Variants in TNFSF4 observed in about 807,000 individuals in gnomAD.
The protein encoded by TNFSF4 is tumor necrosis factor ligand superfamily member 4.
Under a neutral mutation model 7.3 loss-of-function variants are expected in TNFSF4, and 4 were observed. The observed-to-expected ratio is 0.55, with a 90% CI of 0.27 to 1.25. The LOEUF (loss-of-function observed/expected upper bound fraction) is 1.25. Ranked by LOEUF, TNFSF4 falls within the 50% of genes most tolerant of loss-of-function variation. The pLI, the probability that TNFSF4 is intolerant of heterozygous loss-of-function variation, is 0.12. For missense variants in TNFSF4, 181 were observed against 208.8 expected, an observed-to-expected ratio of 0.87 and a Z score of 0.82; for synonymous variants, 76 against 83.7, an observed-to-expected ratio of 0.91 and a Z score of 0.50.
chr1:173,174,116 G>T, the TNFSF4 span, among the ~76,000 whole-genome samples: 1 of 152,292 alleles, frequency 6.6e-6, no homozygotes, highest in East Asian at 1.9e-4. Context: ...AAGTTCCACA[G>T]ATCTCTAGAG....
the TNFSF4 span, among the ~76,000 whole-genome samples, chr1:173,216,366 G>C: frequency 6.6e-6 from 1 of 152,144 alleles, no homozygotes; most frequent in South Asian, 2.1e-4. Context: ...CTTTGGGACA[G>C]AGCTTTTGAA....
At chr1:173,431,753 C>G in the TNFSF4 span, among the ~76,000 whole-genome samples, 1 of 152,208 alleles carries the variant, frequency 6.6e-6, no homozygotes, top group Non-Finnish European at 1.5e-5. Context: ...GGACTGCAAC[C>G]TGATGGTGAT....
At chr1:173,446,458 GAATA>G in the TNFSF4 span, among the ~76,000 whole-genome samples, 1 of 152,284 alleles carries the variant, frequency 6.6e-6, no homozygotes, top group African/African-American at 2.4e-5. Context: ...GTAAGTGAAT[GAATA>G]AATAAACTGT....
At chr1:173,213,594 A>G in the TNFSF4 span, among the ~76,000 whole-genome samples, 3 of 152,276 alleles carry the variant, frequency 2.0e-5, no homozygotes, top group African/African-American at 7.2e-5. Flanking sequence ...AATCAACTTT[A>G]TTAAAATATA....
At chr1:173,215,067 T>C in the TNFSF4 span, among the ~76,000 whole-genome samples, 1 of 152,032 alleles carries the variant, frequency 6.6e-6, no homozygotes, top group Non-Finnish European at 1.5e-5. Context: ...CTTTGGAAAG[T>C]AGTCGAGTCA....
At chr1:173,271,674 C>A in the TNFSF4 span, among the ~76,000 whole-genome samples, 1 of 152,014 alleles carries the variant, frequency 6.6e-6, no homozygotes, top group Admixed American at 6.6e-5. Context: ...GTTAGAATGG[C>A]GATCATTAAA....
chr1:173,292,652 GA>G, the TNFSF4 span, among the ~76,000 whole-genome samples: 464 of 142,976 alleles, frequency 3.2e-3, 2 homozygotes, highest in African/African-American at 0.01. Flanking sequence ...GAGCAATCAG[GA>G]AAAAAAAAAA....
chr1:173,429,205 T>C, the TNFSF4 span, among the ~76,000 whole-genome samples: 1 of 152,106 alleles, frequency 6.6e-6, no homozygotes, highest in Non-Finnish European at 1.5e-5. Flanking sequence ...TTAAAACATT[T>C]CTTTAAAAAA....
chr1:173,218,823 A>C, the TNFSF4 span, among the ~76,000 whole-genome samples: 1 of 152,150 alleles, frequency 6.6e-6, no homozygotes, highest in Admixed American at 6.5e-5. Context: ...AACTTATGTA[A>C]GCCATAAGAA....
chr1:173,296,247 G>T, the TNFSF4 span, among the ~76,000 whole-genome samples: 1 of 151,932 alleles, frequency 6.6e-6, no homozygotes, highest in South Asian at 2.1e-4. Context: ...GAAACCAAAG[G>T]TGATGTCATC....
At chr1:173,267,805 G>A in the TNFSF4 span, among the ~76,000 whole-genome samples, 1 of 151,924 alleles carries the variant, frequency 6.6e-6, no homozygotes, top group Non-Finnish European at 1.5e-5. Context: ...GAGGTGGATG[G>A]AGGGAAACAA....
the TNFSF4 span, among the ~76,000 whole-genome samples, chr1:173,355,742 G>A: frequency 6.6e-6 from 1 of 152,208 alleles, no homozygotes; most frequent in Non-Finnish European, 1.5e-5. Context: ...ACACATACTT[G>A]TTGAATCCCT....
At chr1:173,276,433 A>C in the TNFSF4 span, among the ~76,000 whole-genome samples, 4 of 152,122 alleles carry the variant, frequency 2.6e-5, no homozygotes, top group African/African-American at 9.7e-5. Flanking sequence ...CTCAAACACT[A>C]TGATGGCAGG....
the TNFSF4 span, among the ~76,000 whole-genome samples, chr1:173,232,438 T>G: frequency 1.3e-5 from 2 of 150,590 alleles, no homozygotes; most frequent in Non-Finnish European, 3.0e-5. Flanking sequence ...ACTTCCTCTT[T>G]TCCTAATTGA....
chr1:173,292,595 A>C, the TNFSF4 span, among the ~76,000 whole-genome samples: 1 of 151,990 alleles, frequency 6.6e-6, no homozygotes, highest in Non-Finnish European at 1.5e-5. Flanking sequence ...AAAGATGTCC[A>C]TTCTCACCAC....
At chr1:173,399,566 G>C in the TNFSF4 span, among the ~76,000 whole-genome samples, 1 of 150,222 alleles carries the variant, frequency 6.7e-6, no homozygotes, top group East Asian at 2.0e-4. Context: ...TGATGACAAA[G>C]AAATTTAAAG....
At chr1:173,225,073 T>G in the TNFSF4 span, among the ~76,000 whole-genome samples, 2 of 152,224 alleles carry the variant, frequency 1.3e-5, no homozygotes, top group Non-Finnish European at 2.9e-5. Flanking sequence ...ATAGAGACTT[T>G]AACCAACTTT....
At chr1:173,350,566 A>T in the TNFSF4 span, among the ~76,000 whole-genome samples, 6 of 152,290 alleles carry the variant, frequency 3.9e-5, no homozygotes, top group Admixed American at 3.9e-4. Flanking sequence ...ACGCAGGAAC[A>T]CCACCAAAAT....
the TNFSF4 span, among the ~76,000 whole-genome samples, chr1:173,239,397 C>T: frequency 2.0e-5 from 3 of 152,170 alleles, no homozygotes; most frequent in Non-Finnish European, 4.4e-5. Flanking sequence ...CCCAGTTAAA[C>T]GCAGGGCATA....
Sources: allele counts gnomAD v4.1 joint callset (sites outside exome capture counted in the v4.1 genomes callset), GRCh38; gene constraint gnomAD v4.1.1; transcripts MANE v1.5; gene names NCBI Gene and HGNC (gene_info 2026-07-23, HGNC 2026-07-21).